MBOAT2: variants seen among roughly 807,000 people sequenced by gnomAD.
MBOAT2 encodes membrane bound glycerophospholipid O-acyltransferase 2.
Under a neutral mutation model 63.4 loss-of-function variants are expected in MBOAT2, and 28 were observed. That is an observed-to-expected ratio of 0.44 (90% CI 0.33 to 0.61). MBOAT2 has a LOEUF of 0.61. MBOAT2 is among the 20% of genes least tolerant of loss of function. The pLI, the probability that MBOAT2 is intolerant of heterozygous loss-of-function variation, is 0.03. For synonymous variants in MBOAT2, 211 were observed against 215.6 expected, an observed-to-expected ratio of 0.98 and a Z score of 0.19; for missense variants, 470 against 605.8, an observed-to-expected ratio of 0.78 and a Z score of 2.35.
In MBOAT2 at chr2:8,858,889, G is replaced by A; in HGVS notation, c.1353C>T (p.Cys451=). The A allele has an allele frequency of 1.9e-6, 3 of 1,605,916 alleles. No individual in the cohort carries two copies. The highest frequency in any genetic ancestry group is 2.5e-6 in the Non-Finnish European group (3 of 1,176,974). Residue 451 remains cysteine, a synonymous_variant, in exon 13 of 13, where the codon TGC becomes TGT. Coordinates refer to ENST00000305997, the MANE Select transcript of MBOAT2 (RefSeq NM_138799.4). ...SLTFYSSWYY[C]LHILGILVLL... is the part of the protein sequence containing the mutation. ...ATACTAAGATACCAAGAATGTGCAG[G>A]CAATAATACCAGGAGCTAAAAGAAA...
intron 4 of MBOAT2, among the ~76,000 whole-genome samples, chr2:8,903,590 A>G (rs192743756): frequency 4.8e-4 from 73 of 152,200 alleles, no homozygotes; most frequent in African/African-American, 1.6e-3. Context: ...TCTACAATCT[A>G]TTATCTCTAC....
chr2:8,974,412 C>G, intron 1 of MBOAT2: 1 of 456,482 alleles, frequency 2.2e-6, no homozygotes, highest in Non-Finnish European at 4.4e-6. Context: ...GGGAAAGACA[C>G]CCGGGAATCA....
At chr2:8,982,183 T>C (rs916797941) in intron 1 of MBOAT2, among the ~76,000 whole-genome samples, 1 of 152,174 alleles carries the variant, frequency 6.6e-6, no homozygotes, top group African/African-American at 2.4e-5. Context: ...CCACCATTAT[T>C]AGCAGTCAAC....
chr2:8,909,597 C>A (rs541611056), intron 3 of MBOAT2, among the ~76,000 whole-genome samples: 39 of 152,082 alleles, frequency 2.6e-4, no homozygotes, highest in Non-Finnish European at 4.9e-4. Context: ...AAAAATTTGA[C>A]CAAATAAAAA....
chr2:8,868,632 ATCTTTTAT>A (rs1662077199), intron 8 of MBOAT2, 83 bp from the exon 9 acceptor site: 1 of 1,096,714 alleles, frequency 9.1e-7, no homozygotes, highest in African/African-American at 1.6e-5. Flanking sequence ...GTGTTATTAT[ATCTTTTAT>A]TCTTAAACAG....
At chr2:8,934,785 G>A (rs1442548340) in intron 3 of MBOAT2, among the ~76,000 whole-genome samples, 2 of 152,108 alleles carry the variant, frequency 1.3e-5, no homozygotes, top group African/African-American at 4.8e-5. Flanking sequence ...ATTGTCCTCA[G>A]TGAAGTTAGT....
In MBOAT2 at chr2:8,893,999, C is replaced by T. The variant is rs567228448; in HGVS notation, c.396-5926G>A. ...TAAGTTCTGGGATACATGTGCAGAT[C>T]GTGCAGGTTTGTTACATAGGTATAC... On this transcript the variant is annotated intron_variant, in intron 4 of 12. Transcript: ENST00000305997. Among the ~76,000 whole-genome samples the T allele has an allele frequency of 3.9e-5, 6 of 152,080 alleles. No individual in the cohort carries two copies. In the South Asian group the frequency reaches 6.2e-4, roughly 16 times the overall value.
chr2:8,924,704 T>C (rs1189888129), intron 3 of MBOAT2, among the ~76,000 whole-genome samples: 1 of 147,506 alleles, frequency 6.8e-6, no homozygotes, highest in African/African-American at 2.5e-5. Context: ...ATGGTTCAGC[T>C]GCTTTTTTTT....
chr2:8,914,934 C>CTTTTTTTTTTTTTTTTT (rs938665533), intron 3 of MBOAT2, among the ~76,000 whole-genome samples: 1 of 60,244 alleles, frequency 1.7e-5, no homozygotes, highest in Non-Finnish European at 2.9e-5. Context: ...CTGGAAATTT[C>CTTTTTTTTTTTTTTTTT]TTTTTTTTTT....
rs1178683479 is a variant in MBOAT2, at chr2:9,003,375, C to T, written c.75+165G>A. Among the ~76,000 whole-genome samples the T allele has an allele frequency of 2.0e-5, 3 of 151,736 alleles. No homozygotes were observed. Among genetic ancestry groups the T allele is most frequent in the African/African-American group, 4.8e-5 (2 of 41,324 alleles). On this transcript the variant is annotated intron_variant, in intron 1 of 12. Coordinates refer to ENST00000305997, the MANE Select transcript of MBOAT2 (RefSeq NM_138799.4). This position sits in a 1 kb window ranked among gnomAD's most constrained non-coding sequence, Gnocchi z 5.4. Reference sequence around the variant, plus strand: ...ACCCAGGAGGGAGGGGGCTCTGGGACAATAACCGGCTTGTTGCCCCCTCCC... The same window carrying T: ...ACCCAGGAGGGAGGGGGCTCTGGGATAATAACCGGCTTGTTGCCCCCTCCC...
chr2:9,002,960 A>C (rs1672810127), intron 1 of MBOAT2, among the ~76,000 whole-genome samples: 2 of 152,156 alleles, frequency 1.3e-5, no homozygotes, highest in African/African-American at 2.4e-5. Flanking sequence ...GTCTCTCTTA[A>C]GCCACAATCC....
chr2:8,924,961 A>C (rs1019060897), intron 3 of MBOAT2, among the ~76,000 whole-genome samples: 3 of 152,152 alleles, frequency 2.0e-5, no homozygotes, highest in African/African-American at 7.2e-5. Flanking sequence ...AAGCTCTCCT[A>C]GTATCTCAAT....
intron 8 of MBOAT2, among the ~76,000 whole-genome samples, chr2:8,870,935 A>T (rs1558556001): frequency 6.6e-6 from 1 of 152,234 alleles, no homozygotes; most frequent in Non-Finnish European, 1.5e-5. Flanking sequence ...TCGGAGGATC[A>T]GAAGTACCCT....
chr2:8,958,944 C>T (rs1359677197), intron 1 of MBOAT2, among the ~76,000 whole-genome samples: 1 of 152,086 alleles, frequency 6.6e-6, no homozygotes, highest in Non-Finnish European at 1.5e-5. Context: ...GACACAGAAA[C>T]AAAAAGCCCA....
In MBOAT2 at chr2:8,888,013, C is replaced by T. The variant is rs755959600; in HGVS notation, c.451+5G>A. On this transcript the variant is annotated splice_donor_5th_base_variant and intron_variant, in intron 5 of 12. Transcript: ENST00000305997. ...AGCAATAAAAATTAATTTCAGAATT[C>T]TTACCATCATGAATTTCGCAAGCCA... 6.2e-7 allele frequency: 1 copy of T among 1,611,544 alleles called. No individual in the cohort carries two copies. The highest frequency in any genetic ancestry group is 8.5e-7 in the Non-Finnish European group (1 of 1,178,088).
rs574614558 is a variant in MBOAT2 at position 8,853,704 on chromosome 2, C to T, written c.*4975G>A. On this transcript the variant is annotated 3_prime_UTR_variant, in exon 13 of 13. Transcript: ENST00000305997. ...GAATCGCTGAGTAAGCTTCAGACAGCGGTTCTGCATGGGTCATCACACTAT... is the reference window on the plus strand; with the variant it reads ...GAATCGCTGAGTAAGCTTCAGACAGTGGTTCTGCATGGGTCATCACACTAT... 24 of 152,268 alleles carry T rather than the reference C, an allele frequency of 1.6e-4. No homozygotes were observed. Among genetic ancestry groups the T allele is most frequent in the Non-Finnish European group, 7.3e-5 (5 of 68,032 alleles). The allele number at this position is 152,268 out of a possible 1,614,324, so 9.4% of individuals were successfully genotyped here. A position where few individuals can be genotyped will look rare whatever the true frequency, so the allele number is the denominator to read the frequency against.
At chr2:8,902,401 C>T (rs1379566711) in intron 4 of MBOAT2, among the ~76,000 whole-genome samples, 3 of 152,186 alleles carry the variant, frequency 2.0e-5, no homozygotes, top group Non-Finnish European at 4.4e-5. Context: ...AATGAAGCCG[C>T]GGACCCTTGC....
chr2:8,907,356 T>C (rs563372229), intron 4 of MBOAT2, among the ~76,000 whole-genome samples: 88 of 152,366 alleles, frequency 5.8e-4, no homozygotes, highest in African/African-American at 2.1e-3. Flanking sequence ...CTAGGATGCA[T>C]GATGAACAAG....
chr2:8,890,678 C>A (rs955787478), intron 4 of MBOAT2, among the ~76,000 whole-genome samples: 2 of 151,994 alleles, frequency 1.3e-5, no homozygotes, highest in Non-Finnish European at 2.9e-5. Context: ...TGCTACCACA[C>A]GTGGGTAATT....
Sources: allele counts gnomAD v4.1 joint callset (sites outside exome capture counted in the v4.1 genomes callset), GRCh38; gene constraint gnomAD v4.1.1; non-coding constraint Gnocchi (gnomAD v3.1); transcripts MANE v1.5; gene names NCBI Gene and HGNC (gene_info 2026-07-23, HGNC 2026-07-21).